The following FRMPD4 variants were observed in gnomAD, a reference collection of about 807,000 sequenced individuals.
The protein encoded by FRMPD4 is FERM and PDZ domain containing 4.
In FRMPD4, 22 loss-of-function variants were observed where a neutral mutation model predicts 94.1. The ratio of observed to expected loss-of-function variants is 0.23; its 90% CI spans 0.17 to 0.33. The LOEUF (loss-of-function observed/expected upper bound fraction) is 0.33, where lower values mean the gene tolerates loss of function less well. Ranked by LOEUF, FRMPD4 falls within the 10% of genes least tolerant of loss-of-function variation. The pLI is 1.00. For missense variants in FRMPD4, 1,111 were observed against 1,339.9 expected, an observed-to-expected ratio of 0.83 and a Z score of 2.67; for synonymous variants, 631 against 548.6, an observed-to-expected ratio of 1.15 and a Z score of -2.10.
chrX:11,828,877 T>A (rs1198781072), intron 1 of FRMPD4, among the ~76,000 whole-genome samples: 1 of 112,370 alleles, frequency 8.9e-6, no homozygotes, highest in Non-Finnish European at 1.9e-5. Context: ...TAAAAGTCAA[T>A]CTTGTTTAAC....
At chrX:12,604,840 C>A (rs963106553) in intron 2 of FRMPD4, among the ~76,000 whole-genome samples, 8 of 111,151 alleles carry the variant, frequency 7.2e-5, no homozygotes, top group African/African-American at 2.6e-4. Flanking sequence ...AGTAGGCCCC[C>A]GTGTGTGTCG....
rs1348193998 is a variant in FRMPD4, at chrX:12,716,745, G to A, written c.2286G>A (p.Val762=). The A allele has an allele frequency of 8.3e-7, 1 of 1,211,266 alleles. No individual in the cohort carries two copies. Among genetic ancestry groups the A allele is most frequent in the Admixed American group, 2.2e-5 (1 of 46,102 alleles). Reference sequence around the variant, plus strand: ...TGAGCTGCGAGGAGGACCTCGTGGTGGGGGAGATGAACCAGCCGGCCATCC... The same window carrying A: ...TGAGCTGCGAGGAGGACCTCGTGGTAGGGGAGATGAACCAGCCGGCCATCC... ...DEVSCEEDLV[V]GEMNQPAILN... Residue 762 remains valine, a synonymous_variant, in exon 15 of 17, where the codon GTG becomes GTA. Coordinates refer to ENST00000675598, the MANE Select transcript of FRMPD4 (RefSeq NM_001368397.1).
intron 14 of FRMPD4, among the ~76,000 whole-genome samples, chrX:12,714,924 T>C (rs749473030): frequency 2.6e-4 from 29 of 112,661 alleles, no homozygotes; most frequent in African/African-American, 9.0e-4. Context: ...AATACATGAA[T>C]TTATTAAAAT....
intron 3 of FRMPD4, among the ~76,000 whole-genome samples, chrX:12,042,255 A>G (rs1190057603): frequency 3.0e-5 from 3 of 101,615 alleles, no homozygotes; most frequent in South Asian, 4.4e-4. Context: ...ACACTTTCCT[A>G]TTCTTTTGCA....
intron 3 of FRMPD4, among the ~76,000 whole-genome samples, chrX:12,063,875 A>G (rs1488745708): frequency 8.9e-6 from 1 of 112,765 alleles, no homozygotes; most frequent in Non-Finnish European, 1.9e-5. Context: ...TTCATAGAAA[A>G]CTGTTTATTT....
At chrX:12,121,114 A>C (rs933834007) in intron 3 of FRMPD4, among the ~76,000 whole-genome samples, 6 of 108,874 alleles carry the variant, frequency 5.5e-5, no homozygotes, top group East Asian at 2.8e-4. Flanking sequence ...ACTACTACTA[A>C]TAATAATTTA....
intron 4 of FRMPD4, among the ~76,000 whole-genome samples, chrX:12,631,412 T>A (rs1313221853): frequency 8.9e-6 from 1 of 112,358 alleles, no homozygotes; most frequent in Admixed American, 9.4e-5. Context: ...GACTTTTTTA[T>A]ACTTTAAGTT....
chrX:12,724,218 G>A lies in FRMPD4; in HGVS notation c.*2360G>A, dbSNP rs1280167936. On this transcript the variant is annotated 3_prime_UTR_variant, in exon 17 of 17. Transcript: ENST00000675598. ...ACTTCCCAGTCCATTGGAGTTCTTTGAGAAGCCTCAGGGAAGTAGCTCTGG... is the reference window on the plus strand; with the variant it reads ...ACTTCCCAGTCCATTGGAGTTCTTTAAGAAGCCTCAGGGAAGTAGCTCTGG... 1 of 111,513 alleles carries A rather than the reference G, an allele frequency of 9.0e-6. No homozygotes were observed. Among genetic ancestry groups the A allele is most frequent in the Non-Finnish European group, 1.9e-5 (1 of 53,064 alleles). The allele number at this position is 111,513 out of a possible 1,213,427, so 9.2% of individuals were successfully genotyped here.
chrX:12,066,483 G>A (rs1390705377), intron 3 of FRMPD4, among the ~76,000 whole-genome samples: 1 of 111,864 alleles, frequency 8.9e-6, no homozygotes, highest in Non-Finnish European at 1.9e-5. Context: ...ATATTTGTTG[G>A]GATGTTCATT....
intron 15 of FRMPD4, 105 bp downstream of exon 15, chrX:12,717,238 A>C (rs1259275835): frequency 7.8e-6 from 4 of 511,078 alleles, no homozygotes; most frequent in African/African-American, 2.4e-5. Flanking sequence ...CATTTCACAC[A>C]TGTCCCATTT....
intron 3 of FRMPD4, among the ~76,000 whole-genome samples, chrX:12,053,350 G>A (rs866994232): frequency 1.1e-4 from 7 of 61,404 alleles, no homozygotes; most frequent in Admixed American, 4.3e-4. Flanking sequence ...AAGAAAGAAA[G>A]GAAAGAAAGA....
At chrX:12,664,282 G>A (rs1360634466) in intron 4 of FRMPD4, among the ~76,000 whole-genome samples, 7 of 111,845 alleles carry the variant, frequency 6.3e-5, no homozygotes, top group African/African-American at 2.0e-4. Flanking sequence ...GTCTTGTGCC[G>A]GTTTTTAAAG....
At chrX:12,380,045 C>G (rs1226023728) in intron 1 of FRMPD4, among the ~76,000 whole-genome samples, 1 of 111,513 alleles carries the variant, frequency 9.0e-6, no homozygotes, top group East Asian at 2.8e-4. Context: ...ATGGATTCCA[C>G]TCTGGTACTA....
chrX:12,450,459 C>G (rs1442714551), intron 1 of FRMPD4, among the ~76,000 whole-genome samples: 3 of 111,323 alleles, frequency 2.7e-5, no homozygotes, highest in African/African-American at 9.8e-5. Context: ...ACACTGACCT[C>G]TACATTCCAG....
chrX:12,234,808 C>T (rs906851084), intron 1 of FRMPD4, among the ~76,000 whole-genome samples: 1 of 112,064 alleles, frequency 8.9e-6, no homozygotes, highest in Non-Finnish European at 1.9e-5. Flanking sequence ...AGAAAACATG[C>T]TAACAACTTG....
chrX:12,674,221 A>T (rs769580485), intron 4 of FRMPD4, among the ~76,000 whole-genome samples: 101 of 112,200 alleles, frequency 9.0e-4, no homozygotes, highest in African/African-American at 3.1e-3. Context: ...GCCTATTGTG[A>T]GTAATATTTC....
chrX:12,033,638 G>A (rs1174059229), intron 3 of FRMPD4, among the ~76,000 whole-genome samples: 1 of 111,624 alleles, frequency 9.0e-6, no homozygotes, highest in Non-Finnish European at 1.9e-5. Context: ...GGGAAGAGGA[G>A]GGTTGTACTG....
intron 3 of FRMPD4, among the ~76,000 whole-genome samples, chrX:11,959,333 G>C (rs1195781057): frequency 8.9e-6 from 1 of 112,246 alleles, no homozygotes; most frequent in Non-Finnish European, 1.9e-5. Context: ...TGCTGAGCAA[G>C]GTGGCCAAAT....
intron 1 of FRMPD4, among the ~76,000 whole-genome samples, chrX:12,342,109 G>GT (rs1309132062): frequency 3.6e-5 from 4 of 112,024 alleles, no homozygotes; most frequent in Non-Finnish European, 7.5e-5. Context: ...GTTGACTGAT[G>GT]TTTATTCGTT....
Sources: allele counts gnomAD v4.1 joint callset (sites outside exome capture counted in the v4.1 genomes callset), GRCh38; gene constraint gnomAD v4.1.1; transcripts MANE v1.5; gene names NCBI Gene and HGNC (gene_info 2026-07-23, HGNC 2026-07-21).